Variants in FMN2 observed in about 807,000 individuals in gnomAD.
The protein encoded by FMN2 is formin-2.
A neutral mutation model predicts 142.3 loss-of-function variants in FMN2; 51 were observed. The ratio of observed to expected loss-of-function variants is 0.36; its 90% confidence interval spans 0.29 to 0.45. FMN2 has a LOEUF of 0.45. Ranked by LOEUF, FMN2 falls within the 20% of genes least tolerant of loss-of-function variation. The pLI, the probability that FMN2 is intolerant of heterozygous loss-of-function variation, is 1.00. For synonymous variants in FMN2, 882 were observed against 869.8 expected (o/e 1.01, Z -0.25); for missense variants, 1,936 against 2,122.8 (o/e 0.91, Z 1.73).
At chr1:240,191,423 T>C (rs1665692545) in intron 4 of FMN2, among the ~76,000 whole-genome samples, 2 of 152,224 alleles carry the variant, frequency 1.3e-5, no homozygotes, top group African/African-American at 2.4e-5. Flanking sequence ...CCTTGAATGC[T>C]TTTATTGATG....
At chr1:240,298,549 G>T (rs1670072648) in intron 8 of FMN2, among the ~76,000 whole-genome samples, 1 of 152,182 alleles carries the variant, frequency 6.6e-6, no homozygotes, top group Non-Finnish European at 1.5e-5. Context: ...CAGAAGGTGA[G>T]CCACTGGTGA....
chr1:240,248,432 G>GATATATATAT (rs36215850), intron 6 of FMN2, among the ~76,000 whole-genome samples: 16 of 142,436 alleles, frequency 1.1e-4, no homozygotes, highest in African/African-American at 3.3e-4. Flanking sequence ...CATGTGATTG[G>GATATATATAT]ATATATATAT....
intron 16 of FMN2, among the ~76,000 whole-genome samples, chr1:240,446,690 C>T (rs1162407220): frequency 1.3e-5 from 2 of 152,124 alleles, no homozygotes; most frequent in African/African-American, 4.8e-5. Flanking sequence ...AAGTACAGAC[C>T]TGTTGAATTT....
At chr1:240,466,060 T>A (rs1279791745) in intron 16 of FMN2, among the ~76,000 whole-genome samples, 1 of 152,202 alleles carries the variant, frequency 6.6e-6, no homozygotes, top group Non-Finnish European at 1.5e-5. Flanking sequence ...AAAATAACCC[T>A]TAATGTAAAT....
At chr1:240,105,614 C>G (rs565851784) in intron 1 of FMN2, among the ~76,000 whole-genome samples, 1 of 152,208 alleles carries the variant, frequency 6.6e-6, no homozygotes, top group Admixed American at 6.5e-5. Flanking sequence ...AGACTTTTCT[C>G]CATAAAGAGT....
intron 1 of FMN2, among the ~76,000 whole-genome samples, chr1:240,106,537 G>T (rs1055152338): frequency 2.6e-5 from 4 of 152,076 alleles, no homozygotes; most frequent in African/African-American, 7.2e-5. Flanking sequence ...TCTTTACCCA[G>T]TTTCTTAAGC....
chr1:240,329,150 T>C lies in FMN2; in HGVS notation c.4290T>C (p.Ser1430=). Residue 1430 remains serine (S), a synonymous_variant, in exon 9 of 18, where the codon TCT becomes TCC. Transcript: ENST00000319653. The part of the protein sequence containing the change: ...RSSKDKENAK[S]LDKPEQFLYE... ...CCAAAGACAAGGAAAATGCCAAGTC[T>C]CTGGACAAACCTGAACAGTAAGCAT... 1 of 1,614,108 alleles carries C rather than the reference T, an allele frequency of 6.2e-7. No individual in the cohort carries two copies. The highest frequency in any genetic ancestry group is 8.5e-7 in the Non-Finnish European group (1 of 1,179,988).
chr1:240,244,167 T>C (rs1668005636), intron 6 of FMN2, among the ~76,000 whole-genome samples: 1 of 152,230 alleles, frequency 6.6e-6, no homozygotes, highest in Non-Finnish European at 1.5e-5. Context: ...TGTCCACTTT[T>C]CAGCAAGGTC....
chr1:240,337,398 A>G (rs926638570), intron 13 of FMN2, among the ~76,000 whole-genome samples: 2 of 151,734 alleles, frequency 1.3e-5, no homozygotes, highest in Non-Finnish European at 2.9e-5. Flanking sequence ...TTGTATTTCT[A>G]GTAGAGACAG....
intron 8 of FMN2, among the ~76,000 whole-genome samples, chr1:240,310,714 C>T (rs1204851324): frequency 6.6e-6 from 1 of 152,016 alleles, no homozygotes; most frequent in Non-Finnish European, 1.5e-5. Context: ...AAATATACTC[C>T]TTATATGGCA....
chr1:240,436,725 TAG>T (rs1675388054), intron 15 of FMN2, among the ~76,000 whole-genome samples: 2 of 151,580 alleles, frequency 1.3e-5, no homozygotes, highest in South Asian at 4.2e-4. Context: ...TTTTTCATAA[TAG>T]ACATTTCAAA....
Position 240,304,735 on chromosome 1 carries a change from T to G in FMN2, c.4215+9852T>G, listed in dbSNP as rs925820211. On this transcript the variant is annotated intron_variant, in intron 8 of 17. Coordinates refer to ENST00000319653, the MANE Select transcript of FMN2 (RefSeq NM_020066.5). Reference sequence around the variant, plus strand: ...GGATCAGAGCACAGATCCTTTATATTTGGAAGGTGAGGACATTGGGAGGTT... The same window carrying G: ...GGATCAGAGCACAGATCCTTTATATGTGGAAGGTGAGGACATTGGGAGGTT... Among the ~76,000 whole-genome samples, 7 of 152,250 alleles carry G rather than the reference T, an allele frequency of 4.6e-5. No individual in the cohort carries two copies. The East Asian group carries it at 5.8e-4, about 13-fold the overall frequency.
intron 7 of FMN2, among the ~76,000 whole-genome samples, chr1:240,275,953 G>T (rs1669193721): frequency 6.6e-6 from 1 of 152,104 alleles, no homozygotes; most frequent in South Asian, 2.1e-4. Context: ...TTCTTAAGTA[G>T]AAAGTATAGC....
intron 7 of FMN2, among the ~76,000 whole-genome samples, chr1:240,269,284 CT>C (rs1668914025): frequency 6.6e-6 from 1 of 151,986 alleles, no homozygotes; most frequent in East Asian, 1.9e-4. Context: ...TTAATAACAC[CT>C]TTTATTAAAT....
intron 15 of FMN2, among the ~76,000 whole-genome samples, chr1:240,393,217 A>G (rs567860245): frequency 3.8e-4 from 57 of 151,940 alleles, no homozygotes; most frequent in South Asian, 1.2e-3. Context: ...CTCTGCTTCT[A>G]GCAAGTCTAT....
chr1:240,300,274 C>G (rs544710937), intron 8 of FMN2, among the ~76,000 whole-genome samples: 1 of 152,280 alleles, frequency 6.6e-6, no homozygotes, highest in African/African-American at 2.4e-5. Context: ...CATATGATCT[C>G]TATGCTATTT....
chr1:240,116,123 G>GT (rs1662012940), intron 1 of FMN2, among the ~76,000 whole-genome samples: 1 of 152,160 alleles, frequency 6.6e-6, no homozygotes, highest in Non-Finnish European at 1.5e-5. Flanking sequence ...CACCATCTTG[G>GT]TTTTGGTGGG....
intron 1 of FMN2, among the ~76,000 whole-genome samples, chr1:240,099,462 G>A (rs1259480306): frequency 6.6e-6 from 1 of 151,874 alleles, no homozygotes; most frequent in Non-Finnish European, 1.5e-5. Context: ...GGGGGAGGGT[G>A]CTGCTTTCCA....
intron 7 of FMN2, among the ~76,000 whole-genome samples, chr1:240,289,584 A>G (rs150758440): frequency 0.013 from 2,027 of 152,114 alleles, 58 homozygotes; most frequent in African/African-American, 0.047. Context: ...AGAGGCTGAG[A>G]TGAGAAGATT....
Sources: gnomAD v4.1 joint callset for allele counts (sites outside exome capture counted in the v4.1 genomes callset) on GRCh38, gnomAD v4.1.1 for gene constraint, MANE v1.5 for transcripts, NCBI Gene and HGNC (gene_info 2026-07-23, HGNC 2026-07-21) for gene names.